GSG1L: variants seen among roughly 807,000 people sequenced by gnomAD.
GSG1L encodes GSG1 like.
In GSG1L, 24 loss-of-function variants were observed where a neutral mutation model predicts 42.1. That is an observed-to-expected ratio of 0.57 (90% CI 0.41 to 0.80). The LOEUF (loss-of-function observed/expected upper bound fraction) is 0.80, where lower values mean the gene tolerates loss of function less well. Among genes scored for constraint, GSG1L ranks in the 30% least tolerant of loss-of-function variants. The pLI, the probability that GSG1L is intolerant of heterozygous loss-of-function variation, is 0.00. For synonymous variants in GSG1L, 215 were observed against 203.5 expected (o/e 1.06, Z -0.48); for missense variants, 445 against 472.2 (o/e 0.94, Z 0.53).
chr16:27,848,547 G>A (rs568684367), intron 3 of GSG1L, among the ~76,000 whole-genome samples: 1 of 152,310 alleles, frequency 6.6e-6, no homozygotes, highest in South Asian at 2.1e-4. Context: ...CCAGGGGGTT[G>A]GGGAGTGGTA....
At chr16:27,797,857 A>G (rs1008275791) in intron 6 of GSG1L, among the ~76,000 whole-genome samples, 1 of 151,112 alleles carries the variant, frequency 6.6e-6, no homozygotes, top group Non-Finnish European at 1.5e-5. Flanking sequence ...AGAGAGAGAG[A>G]ATGAAATCCT....
At chr16:27,955,912 G>GGAA (rs2084997214) in intron 2 of GSG1L, among the ~76,000 whole-genome samples, 1 of 145,878 alleles carries the variant, frequency 6.9e-6, no homozygotes, top group Non-Finnish European at 1.5e-5. Context: ...AAGGAAGGAA[G>GGAA]GAAGGAAGGA....
chr16:27,821,717 G>A (rs561223354), intron 5 of GSG1L, among the ~76,000 whole-genome samples: 1 of 151,924 alleles, frequency 6.6e-6, no homozygotes, highest in East Asian at 1.9e-4. Flanking sequence ...TGGGTAACAC[G>A]GTGAAACCCC....
At chr16:27,861,561 G>A (rs914398289) in intron 3 of GSG1L, among the ~76,000 whole-genome samples, 45 of 152,084 alleles carry the variant, frequency 3.0e-4, no homozygotes, top group African/African-American at 1.0e-3. Flanking sequence ...ATGGACAAGG[G>A]TATTCACTAT....
chr16:27,952,244 G>A (rs926824205), intron 2 of GSG1L, among the ~76,000 whole-genome samples: 3 of 152,132 alleles, frequency 2.0e-5, no homozygotes, highest in Admixed American at 6.5e-5. Flanking sequence ...CAGCCCCGTC[G>A]GGCACACAGG....
intron 3 of GSG1L, among the ~76,000 whole-genome samples, chr16:27,849,411 T>C (rs2083481999): frequency 6.6e-6 from 1 of 152,140 alleles, no homozygotes; most frequent in African/African-American, 2.4e-5. Flanking sequence ...CTGATTACTG[T>C]GTGGAGACAG....
intron 3 of GSG1L, among the ~76,000 whole-genome samples, chr16:27,860,703 T>A (rs569981181): frequency 1.3e-5 from 2 of 152,192 alleles, no homozygotes; most frequent in African/African-American, 4.8e-5. Context: ...TCCCCAGCCA[T>A]CTGCAGCCAA....
At chr16:27,852,999 G>A (rs1046199558) in intron 3 of GSG1L, among the ~76,000 whole-genome samples, 1 of 152,220 alleles carries the variant, frequency 6.6e-6, no homozygotes, top group Non-Finnish European at 1.5e-5. Flanking sequence ...GGAATGGCAA[G>A]GGACTGGGGG....
intron 2 of GSG1L, among the ~76,000 whole-genome samples, chr16:27,888,482 C>CTCT (rs1196322207): frequency 5.8e-5 from 4 of 68,914 alleles, no homozygotes; most frequent in African/African-American, 7.1e-5. Flanking sequence ...CTCTCTCTTT[C>CTCT]CTTTCTTTCT....
chr16:27,951,455 C>G (rs1324446402), intron 2 of GSG1L, among the ~76,000 whole-genome samples: 1 of 152,146 alleles, frequency 6.6e-6, no homozygotes, highest in Non-Finnish European at 1.5e-5. Context: ...AGGAGGTACC[C>G]AGTCCCTCGG....
Position 27,807,573 on chromosome 16 carries a change from A to G in GSG1L, c.831-19T>C, listed in dbSNP as rs1224719059. 4 of 1,603,118 alleles carry G rather than the reference A, an allele frequency of 2.5e-6. No individual in the cohort carries two copies. The East Asian group carries it at 6.7e-5, about 27-fold the overall frequency. Reference sequence around the variant, plus strand: ...CTCCATCCTGGAAAGAAAAAAAAACAAAAACAAAATCCTAGGTAGGAAAGA... The same window carrying G: ...CTCCATCCTGGAAAGAAAAAAAAACGAAAACAAAATCCTAGGTAGGAAAGA... On this transcript the variant is annotated intron_variant, in intron 5 of 6. Transcript: ENST00000447459.
chr16:27,935,270 T>C (rs1596625378), intron 2 of GSG1L, among the ~76,000 whole-genome samples: 1 of 152,134 alleles, frequency 6.6e-6, no homozygotes, highest in African/African-American at 2.4e-5. Flanking sequence ...CCCAGGCCTC[T>C]GAGAGCTGCC....
intron 1 of GSG1L, among the ~76,000 whole-genome samples, chr16:28,032,121 G>A (rs911349832): frequency 1.1e-4 from 16 of 152,206 alleles, no homozygotes; most frequent in Non-Finnish European, 1.9e-4. Context: ...TTTACTGGAA[G>A]GTTCCTCTCC....
At chr16:27,899,309 C>A (rs747135785) in intron 2 of GSG1L, among the ~76,000 whole-genome samples, 2 of 152,248 alleles carry the variant, frequency 1.3e-5, no homozygotes, top group Non-Finnish European at 2.9e-5. Context: ...CACCTGCAGG[C>A]AAACCCCGGC....
intron 3 of GSG1L, among the ~76,000 whole-genome samples, chr16:27,866,872 C>T (rs1450405617): frequency 6.6e-6 from 1 of 152,134 alleles, no homozygotes; most frequent in Non-Finnish European, 1.5e-5. Flanking sequence ...GAAACCGGCC[C>T]TCACTTTCAC....
At chr16:28,051,255 G>A (rs752244044) in intron 1 of GSG1L, among the ~76,000 whole-genome samples, 1 of 152,156 alleles carries the variant, frequency 6.6e-6, no homozygotes, top group African/African-American at 2.4e-5. Flanking sequence ...TGAAGGTCAA[G>A]GTCTAGCAGA....
At chr16:27,997,031 G>A (rs755431416) in intron 1 of GSG1L, among the ~76,000 whole-genome samples, 2 of 152,124 alleles carry the variant, frequency 1.3e-5, no homozygotes, top group Non-Finnish European at 2.9e-5. Flanking sequence ...CAAAGTGCTG[G>A]GATTCCAGGC....
At chr16:28,000,486 ACTAT>A (rs1311500568) in intron 1 of GSG1L, among the ~76,000 whole-genome samples, 1 of 152,158 alleles carries the variant, frequency 6.6e-6, no homozygotes, top group East Asian at 1.9e-4. Context: ...CTTGCATTTT[ACTAT>A]CTATTTGCTT....
At chr16:27,947,497 GAGAA>G (rs1465533981) in intron 2 of GSG1L, among the ~76,000 whole-genome samples, 3 of 144,376 alleles carry the variant, frequency 2.1e-5, no homozygotes, top group East Asian at 2.1e-4. Flanking sequence ...AAGAAAGAAA[GAGAA>G]AGAAAGAAGG....
Sources: allele counts gnomAD v4.1 joint callset (sites outside exome capture counted in the v4.1 genomes callset), GRCh38; gene constraint gnomAD v4.1.1; transcripts MANE v1.5; gene names NCBI Gene and HGNC (gene_info 2026-07-23, HGNC 2026-07-21).